The following MYO18B variants were observed in gnomAD, a reference collection of about 807,000 sequenced individuals.
MYO18B encodes the protein myosin XVIIIB, also known as unconventional myosin-XVIIIb.
In MYO18B, 204 loss-of-function variants were observed where a neutral mutation model predicts 273.0. That is an observed-to-expected ratio of 0.75 (90% CI 0.67 to 0.84). MYO18B has a LOEUF of 0.84. Among genes scored for constraint, MYO18B ranks in the 40% least tolerant of loss-of-function variants. The pLI, the probability that MYO18B is intolerant of heterozygous loss-of-function variation, is 0.00. For synonymous variants in MYO18B, 1,330 were observed against 1,305.7 expected (o/e 1.02, Z -0.40); for missense variants, 3,212 against 3,287.6 (o/e 0.98, Z 0.56).
intron 11 of MYO18B, among the ~76,000 whole-genome samples, chr22:25,796,594 TAAAAA>T (rs67767641): frequency 0.06 from 8,477 of 141,358 alleles, 807 homozygotes; most frequent in African/African-American, 0.21. Flanking sequence ...AGACCCTGTC[TAAAAA>T]AAAAAAAAAA....
chr22:25,971,348 T>C (rs371737252), intron 39 of MYO18B, among the ~76,000 whole-genome samples: 1 of 152,338 alleles, frequency 6.6e-6, no homozygotes, highest in African/African-American at 2.4e-5. Context: ...CCTCTTTGAG[T>C]CTTTGTTTCT....
chr22:25,798,079 G>A lies in MYO18B; in HGVS notation c.2503G>A (p.Ala835Thr), dbSNP rs755534991. Residue 835 changes from alanine to threonine, a missense_variant, in exon 12 of 44, where the codon GCG becomes ACG. Transcript: ENST00000335473. ...RVLAAIYHLG[A>T]AGACKVGRKQ... Reference sequence around the variant, plus strand: ...CCTGGCAGCCATCTACCACCTGGGTGCGGCGGGGGCCTGCAAAGGTACGTC... The same window carrying A: ...CCTGGCAGCCATCTACCACCTGGGTACGGCGGGGGCCTGCAAAGGTACGTC... 1.0e-4 allele frequency: 165 copies of A among 1,608,244 alleles called. No homozygotes were observed. The highest frequency in any genetic ancestry group is 2.2e-4 in the East Asian group (10 of 44,670).
chr22:25,963,107 G>A (rs1273554671), intron 39 of MYO18B, among the ~76,000 whole-genome samples: 1 of 148,538 alleles, frequency 6.7e-6, no homozygotes, highest in Non-Finnish European at 1.5e-5. Flanking sequence ...TAGGCATGCT[G>A]TTTCTCTCTC....
At chr22:25,844,799 A>G (rs964443619) in intron 18 of MYO18B, among the ~76,000 whole-genome samples, 5 of 152,210 alleles carry the variant, frequency 3.3e-5, no homozygotes, top group Non-Finnish European at 5.9e-5. Flanking sequence ...GATTCAGGCC[A>G]GGGCTGGGGC....
downstream of MYO18B, among the ~76,000 whole-genome samples, chr22:26,031,696 T>G (rs1936671422): frequency 6.6e-6 from 1 of 152,210 alleles, no homozygotes; most frequent in African/African-American, 2.4e-5. Context: ...AGCTCTCATC[T>G]CTGATCATCC....
the MYO18B span, among the ~76,000 whole-genome samples, chr22:26,060,227 T>C: frequency 1.3e-5 from 2 of 152,258 alleles, no homozygotes; most frequent in Non-Finnish European, 2.9e-5. Flanking sequence ...ATATGGTCTA[T>C]GGCTGCTTTG....
downstream of MYO18B, among the ~76,000 whole-genome samples, chr22:26,035,065 C>A (rs1444538036): frequency 1.3e-5 from 2 of 152,188 alleles, no homozygotes; most frequent in Non-Finnish European, 2.9e-5. Flanking sequence ...AGTCCAGAAG[C>A]TACAGGTCAT....
chr22:25,748,437 A>G (rs2085845461), intron 1 of MYO18B, among the ~76,000 whole-genome samples: 1 of 152,162 alleles, frequency 6.6e-6, no homozygotes, highest in African/African-American at 2.4e-5. Context: ...CCAAGGAAGA[A>G]ACACAATTAG....
chr22:25,975,722 T>C (rs2093082131), intron 39 of MYO18B, among the ~76,000 whole-genome samples: 1 of 152,138 alleles, frequency 6.6e-6, no homozygotes, highest in Non-Finnish European at 1.5e-5. Context: ...CCCGGGGATA[T>C]TGTTAAGGTG....
intron 36 of MYO18B, among the ~76,000 whole-genome samples, chr22:25,949,437 G>A (rs1397891820): frequency 6.6e-6 from 1 of 151,874 alleles, no homozygotes; most frequent in African/African-American, 2.4e-5. Flanking sequence ...TGAAGCTGAG[G>A]GGTATGATGT....
At chr22:25,925,835 G>A (rs1276934506) in intron 34 of MYO18B, among the ~76,000 whole-genome samples, 1 of 147,890 alleles carries the variant, frequency 6.8e-6, no homozygotes, top group African/African-American at 2.5e-5. Context: ...AACCCGGGAG[G>A]TAGAGGTTGT....
At position 25,828,950 on chromosome 22, in the gene MYO18B, G is replaced by T; in HGVS notation, c.2961G>T (p.Thr987=). Residue 987 remains threonine (T), a synonymous_variant, in exon 15 of 44, where the codon ACG becomes ACT. Transcript: ENST00000335473. The part of the protein sequence containing the change: ...LLFYQRTFVS[T]LQRYQEEGVP... The stretch of plus-strand genomic sequence containing the variant: ...TCTACCAGCGGACCTTTGTCTCCAC[G>T]CTACAGCGATATCAAGAGGTATGCC... 6.2e-7 allele frequency: 1 copy of T among 1,613,928 alleles called. No homozygotes were observed. Among genetic ancestry groups the T allele is most frequent in the Non-Finnish European group, 8.5e-7 (1 of 1,179,884 alleles).
intron 42 of MYO18B, among the ~76,000 whole-genome samples, chr22:26,017,505 T>C (rs1305695960): frequency 6.6e-6 from 1 of 152,194 alleles, no homozygotes; most frequent in Non-Finnish European, 1.5e-5. Context: ...TTTTCTAACG[T>C]ATCAGTATCG....
intron 12 of MYO18B, among the ~76,000 whole-genome samples, chr22:25,811,522 C>A (rs777843390): frequency 1.8e-4 from 28 of 152,322 alleles, no homozygotes; most frequent in Non-Finnish European, 3.2e-4. Flanking sequence ...CAAAACTGAG[C>A]ATTTAACTAC....
chr22:25,843,930 A>G, intron 18 of MYO18B, 36 bp downstream of exon 18: 1 of 1,580,186 alleles, frequency 6.3e-7, no homozygotes, highest in Non-Finnish European at 8.7e-7. Flanking sequence ...GGGATGGAGC[A>G]TTGGAGGCAC....
intron 39 of MYO18B, among the ~76,000 whole-genome samples, chr22:25,962,482 A>T (rs1397790003): frequency 6.6e-6 from 1 of 152,222 alleles, no homozygotes; most frequent in Admixed American, 6.5e-5. Context: ...TCAAAAAAGT[A>T]CATCTTAGAA....
Position 25,744,357 on chromosome 22 carries a change from C to G in MYO18B, c.-110+2064C>G, listed in dbSNP as rs558864020. ...ATGGGGAGATGGCCCTTCACTGGGT[C>G]CTGCTAGATACAAACAACTGTCTGA... On this transcript the variant is annotated intron_variant, in intron 1 of 43. Transcript: ENST00000335473. Among the ~76,000 whole-genome samples the G allele has an allele frequency of 8.5e-5, 13 of 152,258 alleles. No individual in the cohort carries two copies. The East Asian group carries it at 9.7e-4, about 11-fold the overall frequency.
At chr22:25,809,386 G>A (rs1227838589) in intron 12 of MYO18B, among the ~76,000 whole-genome samples, 1 of 152,194 alleles carries the variant, frequency 6.6e-6, no homozygotes. Context: ...ACTCAAAATA[G>A]TGACAAGGAT....
chr22:25,975,787 A>G (rs2093082847), intron 39 of MYO18B, among the ~76,000 whole-genome samples: 1 of 152,186 alleles, frequency 6.6e-6, no homozygotes, highest in Non-Finnish European at 1.5e-5. Flanking sequence ...ATTTCCAACC[A>G]GCAACCAGGT....
Sources: allele counts gnomAD v4.1 joint callset (sites outside exome capture counted in the v4.1 genomes callset), GRCh38; gene constraint gnomAD v4.1.1; transcripts MANE v1.5; gene names NCBI Gene and HGNC (gene_info 2026-07-23, HGNC 2026-07-21).